PCDH15: variants seen among roughly 807,000 people sequenced by gnomAD.
PCDH15 encodes protocadherin related 15, also known as protocadherin-15.
In PCDH15, 129 loss-of-function variants were observed where a neutral mutation model predicts 178.5. The observed-to-expected ratio is 0.72, with a 90% CI of 0.63 to 0.84. The LOEUF is 0.84. PCDH15 is among the 40% of genes least tolerant of loss of function. The pLI is 0.00. For missense variants in PCDH15, 2,230 were observed against 2,099.9 expected, an observed-to-expected ratio of 1.06 and a Z score of -1.21; for synonymous variants, 800 against 732.0, an observed-to-expected ratio of 1.09 and a Z score of -1.50.
chr10:54,726,923 A>C (rs1007208848), intron 1 of PCDH15, among the ~76,000 whole-genome samples: 1 of 151,508 alleles, frequency 6.6e-6, no homozygotes, highest in Non-Finnish European at 1.5e-5. Flanking sequence ...ATGAGACCAA[A>C]CCTGAAATTA....
At chr10:54,341,475 A>T (rs1942216326) in intron 6 of PCDH15, among the ~76,000 whole-genome samples, 1 of 152,196 alleles carries the variant, frequency 6.6e-6, no homozygotes, top group Non-Finnish European at 1.5e-5. Flanking sequence ...ACTGTGAGTC[A>T]GTTAAACCTC....
intron 1 of PCDH15, among the ~76,000 whole-genome samples, chr10:55,244,917 A>G (rs1253393174): frequency 1.3e-5 from 2 of 151,916 alleles, no homozygotes; most frequent in Non-Finnish European, 2.9e-5. Context: ...CTTCCTAATG[A>G]TGACCTTATT....
chr10:54,982,828 A>C (rs913262773), intron 2 of PCDH15, among the ~76,000 whole-genome samples: 1 of 152,152 alleles, frequency 6.6e-6, no homozygotes, highest in Admixed American at 6.6e-5. Flanking sequence ...TATATTGATA[A>C]TATCTAGCAA....
chr10:55,519,637 G>T (rs1453110955), intron 2 of PCDH15, among the ~76,000 whole-genome samples: 1 of 151,382 alleles, frequency 6.6e-6, no homozygotes, highest in Non-Finnish European at 1.5e-5. Flanking sequence ...TTAACTCAAA[G>T]AAAAAATAAA....
At chr10:54,100,870 T>C (rs959347415) in intron 15 of PCDH15, among the ~76,000 whole-genome samples, 2 of 152,082 alleles carry the variant, frequency 1.3e-5, no homozygotes, top group African/African-American at 4.8e-5. Context: ...TACAAAAATT[T>C]TCATCTGCAA....
At chr10:54,004,958 A>G (rs1282499733) in intron 20 of PCDH15, among the ~76,000 whole-genome samples, 1 of 152,016 alleles carries the variant, frequency 6.6e-6, no homozygotes, top group African/African-American at 2.4e-5. Context: ...GCATAAAAAA[A>G]AAAAACACAC....
intron 2 of PCDH15, among the ~76,000 whole-genome samples, chr10:55,370,000 T>C (rs188295036): frequency 1.3e-5 from 2 of 151,568 alleles, no homozygotes; most frequent in Admixed American, 1.3e-4. Context: ...ATAACCTAAA[T>C]TTTAAATGAT....
intron 28 of PCDH15, among the ~76,000 whole-genome samples, chr10:53,841,099 A>G (rs1304665113): frequency 6.6e-6 from 1 of 152,228 alleles, no homozygotes; most frequent in Non-Finnish European, 1.5e-5. Flanking sequence ...CATCTGGTAT[A>G]AATTAGTGAT....
chr10:54,708,964 T>C (rs1203106337), intron 1 of PCDH15, among the ~76,000 whole-genome samples: 2 of 152,164 alleles, frequency 1.3e-5, no homozygotes, highest in African/African-American at 4.8e-5. Context: ...CAGAGGAGTT[T>C]TACAATTTTT....
chr10:55,389,625 G>A (rs1173965557), intron 2 of PCDH15, among the ~76,000 whole-genome samples: 1 of 152,030 alleles, frequency 6.6e-6, no homozygotes, highest in Non-Finnish European at 1.5e-5. Context: ...TGCAATTCTA[G>A]AGTGACAATT....
chr10:54,375,765 G>A (rs1254757842), intron 4 of PCDH15, among the ~76,000 whole-genome samples: 1 of 132,880 alleles, frequency 7.5e-6, no homozygotes, highest in African/African-American at 3.2e-5. Flanking sequence ...GATATTCAGA[G>A]CATATATATA....
intron 2 of PCDH15, among the ~76,000 whole-genome samples, chr10:54,586,831 G>A (rs2091504296): frequency 6.6e-6 from 1 of 152,010 alleles, no homozygotes; most frequent in African/African-American, 2.4e-5. Context: ...GAGAATGGCT[G>A]CTAGCTAGTA....
intron 2 of PCDH15, among the ~76,000 whole-genome samples, chr10:55,131,453 G>A (rs111591092): frequency 1.3e-5 from 2 of 152,164 alleles, no homozygotes; most frequent in Admixed American, 6.5e-5. Flanking sequence ...CACCCACAAC[G>A]TGGTGAGTGG....
intron 3 of PCDH15, among the ~76,000 whole-genome samples, chr10:54,399,931 C>T (rs550124711): frequency 2.0e-5 from 3 of 152,084 alleles, no homozygotes; most frequent in African/African-American, 4.8e-5. Context: ...CAGCAATGCA[C>T]CCTTTCTTTT....
At chr10:53,958,978 CAAAAAAAAAAA>C (rs71004497) in intron 23 of PCDH15, among the ~76,000 whole-genome samples, 1 of 45,828 alleles carries the variant, frequency 2.2e-5, no homozygotes, top group Non-Finnish European at 3.7e-5. Flanking sequence ...GACTCCATCT[CAAAAAAAAAAA>C]AAAAAAAAAA....
At chr10:53,820,874 C>G (rs2076236166) in intron 32 of PCDH15, among the ~76,000 whole-genome samples, 1 of 151,922 alleles carries the variant, frequency 6.6e-6, no homozygotes, top group Non-Finnish European at 1.5e-5. Context: ...AAACAAAGAG[C>G]AGAAACCTAG....
At chr10:54,424,654 A>G (rs1956015939) in intron 3 of PCDH15, among the ~76,000 whole-genome samples, 1 of 152,136 alleles carries the variant, frequency 6.6e-6, no homozygotes, top group African/African-American at 2.4e-5. Flanking sequence ...TGTGGCATAT[A>G]TACACCATGG....
At chr10:54,107,971 G>C (rs1311513771) in intron 15 of PCDH15, among the ~76,000 whole-genome samples, 1 of 152,164 alleles carries the variant, frequency 6.6e-6, no homozygotes, top group Non-Finnish European at 1.5e-5. Context: ...AAAGCCCAAA[G>C]ATGGTTACAA....
intron 2 of PCDH15, among the ~76,000 whole-genome samples, chr10:55,342,901 G>C (rs1025085662): frequency 6.6e-6 from 1 of 152,108 alleles, no homozygotes; most frequent in South Asian, 2.1e-4. Flanking sequence ...GAGTGTAAGG[G>C]CTGTGAGCTG....
Sources: gnomAD v4.1 joint callset for allele counts (sites outside exome capture counted in the v4.1 genomes callset) on GRCh38, gnomAD v4.1.1 for gene constraint, MANE v1.5 for transcripts, NCBI Gene and HGNC (gene_info 2026-07-23, HGNC 2026-07-21) for gene names.